Variants in SPTLC3 observed in about 807,000 individuals in gnomAD.
SPTLC3 encodes serine palmitoyltransferase long chain base subunit 3, also known as serine palmitoyltransferase 3.
A neutral mutation model predicts 59.3 loss-of-function variants in SPTLC3; 36 were observed. The ratio of observed to expected loss-of-function variants is 0.61; its 90% confidence interval spans 0.47 to 0.80. SPTLC3 has a LOEUF of 0.80. Among genes scored for constraint, SPTLC3 ranks in the 30% least tolerant of loss-of-function variants. SPTLC3 has a pLI of 0.00. For synonymous variants in SPTLC3, 257 were observed against 240.8 expected, an observed-to-expected ratio of 1.07 and a Z score of -0.62; for missense variants, 625 against 685.1, an observed-to-expected ratio of 0.91 and a Z score of 0.98.
At chr20:13,083,462 A>G (rs1600262216) in intron 4 of SPTLC3, among the ~76,000 whole-genome samples, 1 of 152,196 alleles carries the variant, frequency 6.6e-6, no homozygotes, top group Admixed American at 6.5e-5. Flanking sequence ...TACTACTTTC[A>G]GACTTAATTC....
At chr20:13,159,931 T>A (rs2038858696) in intron 10 of SPTLC3, 72 bp from the exon 11 acceptor site, 1 of 1,446,780 alleles carries the variant, frequency 6.9e-7, no homozygotes, top group Non-Finnish European at 9.2e-7. Context: ...GCCATATTCC[T>A]TTTTTGTCAG....
chr20:13,015,914 G>T (rs184475820), intron 1 of SPTLC3, among the ~76,000 whole-genome samples: 35 of 151,892 alleles, frequency 2.3e-4, no homozygotes, highest in Admixed American at 1.1e-3. Context: ...AAAACAGGAG[G>T]TCAACAATCT....
At chr20:13,150,079 T>G (rs762738321) in intron 9 of SPTLC3, among the ~76,000 whole-genome samples, 17 of 152,220 alleles carry the variant, frequency 1.1e-4, no homozygotes, top group Non-Finnish European at 2.1e-4. Context: ...GTGGCTGAGA[T>G]GTATCTGTGT....
intron 9 of SPTLC3, among the ~76,000 whole-genome samples, chr20:13,136,683 A>T (rs903441375): frequency 6.8e-6 from 1 of 147,660 alleles, no homozygotes; most frequent in South Asian, 2.1e-4. Flanking sequence ...ATACTTATAT[A>T]GTATATAAAT....
At chr20:13,050,194 G>T (rs1362180721) in intron 2 of SPTLC3, 1 of 152,100 alleles carries the variant, frequency 6.6e-6, no homozygotes, top group Non-Finnish European at 1.5e-5. Flanking sequence ...GTTACAAGAA[G>T]TGAAGAGAGA....
intron 1 of SPTLC3, among the ~76,000 whole-genome samples, chr20:13,038,104 G>A (rs564588085): frequency 6.7e-6 from 1 of 150,046 alleles, no homozygotes; most frequent in Admixed American, 6.7e-5. Flanking sequence ...CATATGGTGT[G>A]TAAAAATCAT....
At chr20:13,127,398 T>G (rs2038019304) in intron 9 of SPTLC3, among the ~76,000 whole-genome samples, 3 of 152,206 alleles carry the variant, frequency 2.0e-5, no homozygotes, top group Admixed American at 6.5e-5. Flanking sequence ...GGCAAACTGG[T>G]GAGCACATTT....
At chr20:13,138,603 C>T (rs993450531) in intron 9 of SPTLC3, among the ~76,000 whole-genome samples, 1 of 152,168 alleles carries the variant, frequency 6.6e-6, no homozygotes, top group Non-Finnish European at 1.5e-5. Flanking sequence ...TTCTGACAAG[C>T]TTGGGATCTA....
At chr20:13,040,738 G>A (rs1160610356) in intron 1 of SPTLC3, among the ~76,000 whole-genome samples, 1 of 151,012 alleles carries the variant, frequency 6.6e-6, no homozygotes, top group East Asian at 1.9e-4. Flanking sequence ...CTTTCAGTCT[G>A]AAGACCTCCC....
chr20:13,129,277 C>T (rs1171844850), intron 9 of SPTLC3, among the ~76,000 whole-genome samples: 2 of 152,158 alleles, frequency 1.3e-5, no homozygotes, highest in Non-Finnish European at 2.9e-5. Flanking sequence ...GCTGGGATTA[C>T]AGGCGTGAGC....
chr20:13,120,123 G>A (rs560014336), intron 8 of SPTLC3, among the ~76,000 whole-genome samples: 160 of 152,016 alleles, frequency 1.1e-3, no homozygotes, highest in African/African-American at 3.4e-3. Flanking sequence ...ATTAGGATTC[G>A]GCAAATACTA....
chr20:13,068,445 T>G (rs927608764), intron 2 of SPTLC3, among the ~76,000 whole-genome samples: 1 of 152,236 alleles, frequency 6.6e-6, no homozygotes, highest in Non-Finnish European at 1.5e-5. Context: ...GTTAAAATGC[T>G]GTGGGAAGCT....
chr20:13,104,537 C>A (rs1989766632), intron 6 of SPTLC3, among the ~76,000 whole-genome samples: 2 of 152,138 alleles, frequency 1.3e-5, no homozygotes, highest in Admixed American at 1.3e-4. Flanking sequence ...TTATAAATTA[C>A]CCAGTCTCAG....
At chr20:13,117,816 T>G in intron 8 of SPTLC3, 91 bp downstream of exon 8, 1 of 1,229,410 alleles carries the variant, frequency 8.1e-7, no homozygotes, top group Non-Finnish European at 1.1e-6. Context: ...AAAGCTTCAA[T>G]TCAGTTCACC....
intron 4 of SPTLC3, among the ~76,000 whole-genome samples, chr20:13,075,134 CAAA>C (rs34927240): frequency 4.9e-4 from 67 of 137,140 alleles, no homozygotes; most frequent in Admixed American, 7.2e-4. Flanking sequence ...TTCATTTATT[CAAA>C]AAAAAAAAAA....
intron 6 of SPTLC3, among the ~76,000 whole-genome samples, chr20:13,105,056 G>A (rs16993768): frequency 0.069 from 10,437 of 152,154 alleles, 382 homozygotes; most frequent in South Asian, 0.11. Context: ...TGAAACGGTA[G>A]AATCCCATAA....
At chr20:13,090,194 A>G (rs897585550) in intron 4 of SPTLC3, among the ~76,000 whole-genome samples, 1 of 152,216 alleles carries the variant, frequency 6.6e-6, no homozygotes, top group African/African-American at 2.4e-5. Flanking sequence ...GCAAGTATGT[A>G]AGAGATTGTA....
intron 6 of SPTLC3, among the ~76,000 whole-genome samples, chr20:13,103,282 C>T (rs1156891365): frequency 6.6e-6 from 1 of 152,176 alleles, no homozygotes; most frequent in African/African-American, 2.4e-5. Flanking sequence ...GGACAGTCCT[C>T]CCCACCACCA....
chr20:13,087,647 A>G (rs1397889310), intron 4 of SPTLC3, among the ~76,000 whole-genome samples: 1 of 152,156 alleles, frequency 6.6e-6, no homozygotes, highest in African/African-American at 2.4e-5. Context: ...GGTTGCCAAG[A>G]CAAACATCTA....
Sources: allele counts gnomAD v4.1 joint callset (sites outside exome capture counted in the v4.1 genomes callset), GRCh38; gene constraint gnomAD v4.1.1; transcripts MANE v1.5; gene names NCBI Gene and HGNC (gene_info 2026-07-23, HGNC 2026-07-21).